Variants in SLC35A3 observed in about 807,000 individuals in gnomAD.
SLC35A3 encodes solute carrier family 35 member A3, also known as UDP-N-acetylglucosamine transporter.
A neutral mutation model predicts 39.0 loss-of-function variants in SLC35A3; 26 were observed. That is an observed-to-expected ratio of 0.67 (90% CI 0.49 to 0.92). The LOEUF is 0.92. SLC35A3 is among the 40% of genes least tolerant of loss of function. The pLI is 0.00. For synonymous variants in SLC35A3, 135 were observed against 133.1 expected (o/e 1.01, Z -0.10); for missense variants, 299 against 371.6 (o/e 0.80, Z 1.61).
rs1357008697 is a variant in SLC35A3, at chr1:99,979,433, T to TC, written c.-19+9271_-19+9272insC. 2.8e-3 allele frequency among the ~76,000 whole-genome samples: 420 copies of TC among 149,192 alleles called. 2 individuals carry two copies. Among genetic ancestry groups the TC allele is most frequent in the African/African-American group, 9.9e-3 (406 of 40,822 alleles). ...TATCTGTATTCTCCTTTTCTTTCTTTTTTTTTTTTTTTTTATTTGAGACAG... is the reference window on the plus strand; with the variant it reads ...TATCTGTATTCTCCTTTTCTTTCTTTCTTTTTTTTTTTTTTATTTGAGACAG... On this transcript the variant is annotated intron_variant, in intron 1 of 7. Coordinates refer to ENST00000533028, the MANE Select transcript of SLC35A3 (RefSeq NM_012243.3).
intron 5 of SLC35A3, among the ~76,000 whole-genome samples, chr1:100,013,372 A>T (rs1659817029): frequency 6.7e-6 from 1 of 149,472 alleles, no homozygotes; most frequent in Non-Finnish European, 1.5e-5. Context: ...CAGCACTTTG[A>T]GAGGCCGAGG....
chr1:100,015,673 G>A (rs1328790104), intron 6 of SLC35A3: 2 of 396,922 alleles, frequency 5.0e-6, no homozygotes, highest in Non-Finnish European at 8.7e-6. Context: ...AAGAATAAAA[G>A]AGTTGAAGCT....
Position 100,033,472 on chromosome 1 carries a change from T to C in SLC35A3, c.*10996T>C, listed in dbSNP as rs1413190609. On this transcript the variant is annotated 3_prime_UTR_variant, in exon 8 of 8. Coordinates refer to ENST00000533028, the MANE Select transcript of SLC35A3 (RefSeq NM_012243.3). ...AGTTTTCCAATTTATCTTTCATGTG[T>C]TTCTTTTTAAAAAGCAAACAAATAT... The C allele has an allele frequency of 1.3e-5, 2 of 152,286 alleles. No homozygotes were observed. Among genetic ancestry groups the C allele is most frequent in the East Asian group, 3.9e-4 (2 of 5,188 alleles). 9.4% of individuals were successfully genotyped at this position (152,286 alleles called of 1,614,324 possible).
intron 6 of SLC35A3, among the ~76,000 whole-genome samples, chr1:100,016,031 A>G (rs993122685): frequency 2.0e-5 from 3 of 151,298 alleles, no homozygotes; most frequent in African/African-American, 7.3e-5. Context: ...GGCAAAGGAT[A>G]GTTGTGTTTT....
At chr1:99,986,391 C>G (rs776002525) in intron 1 of SLC35A3, among the ~76,000 whole-genome samples, 3 of 151,764 alleles carry the variant, frequency 2.0e-5, no homozygotes, top group Non-Finnish European at 4.4e-5. Context: ...GTCTCTAACT[C>G]CTGGGCTCAA....
intron 2 of SLC35A3, among the ~76,000 whole-genome samples, chr1:99,997,833 A>G (rs924588140): frequency 5.3e-5 from 8 of 151,732 alleles, no homozygotes; most frequent in Non-Finnish European, 8.8e-5. Context: ...GTTTATCACC[A>G]GAATGGGCTG....
chr1:100,020,528 T>C (rs1224319333), intron 7 of SLC35A3, among the ~76,000 whole-genome samples: 1 of 152,260 alleles, frequency 6.6e-6, no homozygotes, highest in Admixed American at 6.5e-5. Context: ...AATAACCTTA[T>C]ATGTATAACT....
chr1:100,017,509 T>G (rs1660234559), intron 6 of SLC35A3, among the ~76,000 whole-genome samples, 173 bp from the exon 7 acceptor site: 1 of 152,198 alleles, frequency 6.6e-6, no homozygotes, highest in Non-Finnish European at 1.5e-5. Flanking sequence ...ATAAGAGGGC[T>G]ATTGAACAAA....
At chr1:99,979,078 A>G (rs1364818915) in intron 1 of SLC35A3, 2 of 152,228 alleles carry the variant, frequency 1.3e-5, no homozygotes, top group African/African-American at 4.8e-5. Context: ...GAAACATTAC[A>G]TTTAAAAAAT....
chr1:99,994,705 T>G (rs557800854), intron 2 of SLC35A3, among the ~76,000 whole-genome samples: 45 of 152,336 alleles, frequency 3.0e-4, no homozygotes, highest in Admixed American at 2.5e-3. Context: ...GACACTTGGG[T>G]TGTTTCCACC....
chr1:99,993,466 G>T, intron 1 of SLC35A3, 71 bp from the exon 2 acceptor site: 2 of 1,280,932 alleles, frequency 1.6e-6, no homozygotes, highest in Admixed American at 2.2e-5. Context: ...TCTCCCTCTC[G>T]GTGTTTTTAA....
chr1:100,005,030 T>C (rs1479220312), intron 3 of SLC35A3, among the ~76,000 whole-genome samples: 1 of 152,240 alleles, frequency 6.6e-6, no homozygotes, highest in Non-Finnish European at 1.5e-5. Flanking sequence ...ATGCTGGGAT[T>C]ACAGGCATGA....
At chr1:99,982,887 A>T (rs991401536) in intron 1 of SLC35A3, among the ~76,000 whole-genome samples, 2 of 152,194 alleles carry the variant, frequency 1.3e-5, no homozygotes, top group Non-Finnish European at 2.9e-5. Flanking sequence ...ATTAGTGATT[A>T]GAAAGCAAGT....
chr1:99,970,529 A>T (rs774843009), intron 1 of SLC35A3: 4 of 1,534,050 alleles, frequency 2.6e-6, no homozygotes, highest in Non-Finnish European at 3.5e-6. Flanking sequence ...TCCTTCAGTG[A>T]ACATCCCATG....
chr1:100,001,442 A>G (rs1185607885), intron 3 of SLC35A3, among the ~76,000 whole-genome samples: 2 of 150,394 alleles, frequency 1.3e-5, no homozygotes, highest in African/African-American at 4.9e-5. Flanking sequence ...ATTTATTCCC[A>G]GATTTTTTTT....
At position 100,025,942 on chromosome 1, in the gene SLC35A3, T is replaced by C. The variant is rs1660890451; in HGVS notation, c.*3466T>C. The C allele has an allele frequency of 6.6e-6, 1 of 152,200 alleles. No individual in the cohort carries two copies. The highest frequency in any genetic ancestry group is 2.4e-5 in the African/African-American group (1 of 41,466). The allele number at this position is 152,200 out of a possible 1,614,324, so 9.4% of individuals were successfully genotyped here. On this transcript the variant is annotated 3_prime_UTR_variant, in exon 8 of 8. Transcript: ENST00000533028. The stretch of plus-strand genomic sequence containing the variant: ...ATATTTCAACACAGTAGTATTATAT[T>C]ATCAGTTCTTTAGTAAGTGATTTTA...
chr1:99,994,343 A>T (rs1392207325), intron 2 of SLC35A3, among the ~76,000 whole-genome samples: 1 of 131,346 alleles, frequency 7.6e-6, no homozygotes, highest in East Asian at 2.1e-4. Flanking sequence ...AATCACTTTT[A>T]TCTAAAATTT....
At chr1:100,020,234 C>G (rs1195670265) in intron 7 of SLC35A3, among the ~76,000 whole-genome samples, 1 of 151,950 alleles carries the variant, frequency 6.6e-6, no homozygotes, top group Non-Finnish European at 1.5e-5. Context: ...CTCTCAGAAC[C>G]ATCTTAAAAT....
At chr1:100,003,278 T>G (rs1658946178) in intron 3 of SLC35A3, among the ~76,000 whole-genome samples, 1 of 151,788 alleles carries the variant, frequency 6.6e-6, no homozygotes, top group Non-Finnish European at 1.5e-5. Context: ...TGGCCAAGCA[T>G]GGTGGCGGGT....
Sources: gnomAD v4.1 joint callset for allele counts (sites outside exome capture counted in the v4.1 genomes callset) on GRCh38, gnomAD v4.1.1 for gene constraint, MANE v1.5 for transcripts, NCBI Gene and HGNC (gene_info 2026-07-23, HGNC 2026-07-21) for gene names.